Variants in AFP observed in about 807,000 individuals in gnomAD.
AFP encodes alpha-fetoprotein.
Under a neutral mutation model 78.9 loss-of-function variants are expected in AFP, and 64 were observed. The observed-to-expected ratio is 0.81, with a 90% CI of 0.66 to 1.00. The LOEUF is 1.00. Ranked by LOEUF, AFP falls within the 50% of genes least tolerant of loss-of-function variation. The probability of loss-of-function intolerance (pLI) is 0.00; values close to 1 mark genes in which losing one functional copy is unlikely to be tolerated. For synonymous variants in AFP, 254 were observed against 243.8 expected (o/e 1.04, Z -0.39); for missense variants, 689 against 703.8 (o/e 0.98, Z 0.24).
At chr4:73,447,067 G>A (rs1376936941) in intron 7 of AFP, among the ~76,000 whole-genome samples, 1 of 152,080 alleles carries the variant, frequency 6.6e-6, no homozygotes, top group Non-Finnish European at 1.5e-5. Flanking sequence ...GACACTATTA[G>A]AGGAGGGATT....
chr4:73,442,391 G>T lies in AFP; in HGVS notation c.578G>T (p.Cys193Phe), dbSNP rs780371147. 1.9e-6 allele frequency: 3 copies of T among 1,614,064 alleles called. No homozygotes were observed. The highest frequency in any genetic ancestry group is 2.5e-6 in the Non-Finnish European group (3 of 1,179,976). ...TATGACAAAATAATTCCATCTTGCT[G>T]CAAAGCTGAAAATGCAGTTGAATGC... ...ARYDKIIPSC[C>F]KAENAVECFQ... Residue 193 changes from cysteine (C) to phenylalanine (F), a missense_variant, in exon 5 of 15, where the codon TGC becomes TTC. Transcript: ENST00000395792.
chr4:73,438,374 C>T, intron 3 of AFP, 68 bp downstream of exon 3: 2 of 1,513,294 alleles, frequency 1.3e-6, no homozygotes, highest in Non-Finnish European at 1.8e-6. Context: ...AGAGAAGATA[C>T]AAAAATAGCA....
In AFP at chr4:73,447,611, C is replaced by G; in HGVS notation, c.993C>G (p.Asn331Lys). 2 of 1,611,980 alleles carry G rather than the reference C, an allele frequency of 1.2e-6. No homozygotes were observed. The highest frequency in any genetic ancestry group is 1.7e-6 in the Non-Finnish European group (2 of 1,179,640). ...EKPEGLSPNL[N>K]RFLGDRDFNQ... is the part of the protein sequence containing the mutation. ...CTGAAGGTCTATCTCCAAATCTAAA[C>G]AGGTTTTTAGGAGATAGAGATTTTA... Residue 331 changes from asparagine (N) to lysine (K), a missense_variant, in exon 8 of 15, where the codon AAC becomes AAG. By Grantham distance (94) the Asn-to-Lys change is moderately conservative. Transcript: ENST00000395792.
chr4:73,449,262 TA>T (rs1719916763), intron 8 of AFP, 72 bp from the exon 9 acceptor site: 3 of 1,359,864 alleles, frequency 2.2e-6, no homozygotes, highest in Non-Finnish European at 2.1e-6. Context: ...TATATAGGAA[TA>T]ACTGGAGAAG....
At chr4:73,449,784 G>A (rs889851580) in intron 9 of AFP, among the ~76,000 whole-genome samples, 2 of 152,114 alleles carry the variant, frequency 1.3e-5, no homozygotes, top group Admixed American at 1.3e-4. Context: ...CAAGAATTTG[G>A]TACAGAAAGA....
chr4:73,452,755 T>G, intron 12 of AFP, 131 bp downstream of exon 12: 1 of 796,582 alleles, frequency 1.3e-6, no homozygotes, highest in South Asian at 1.5e-5. Context: ...TAAAATGCCT[T>G]TGAAAATAGT....
chr4:73,448,549 T>C (rs67784283), intron 8 of AFP, among the ~76,000 whole-genome samples: 20,675 of 152,194 alleles, frequency 0.14, 1,511 homozygotes, highest in South Asian at 0.18. Flanking sequence ...TAAGCTAGAA[T>C]AAAGTTCAGA....
intron 4 of AFP, 105 bp from the exon 5 acceptor site, chr4:73,442,191 G>A: frequency 8.8e-7 from 1 of 1,131,298 alleles, no homozygotes; most frequent in Non-Finnish European, 1.3e-6. Flanking sequence ...GCATTTTGTT[G>A]TTGTTGTTTT....
rs772597931 is a variant in AFP at position 73,438,290 on chromosome 4, G to A, written c.254G>A (p.Gly85Glu). 2.5e-6 allele frequency: 4 copies of A among 1,612,828 alleles called. No homozygotes were observed. Among genetic ancestry groups the A allele is most frequent in the Non-Finnish European group, 3.4e-6 (4 of 1,179,266 alleles). ...EKPTGDEQSS[G>E]CLENQLPAFL... ...CCCACTGGAGATGAACAGTCTTCAG[G>A]GTGTTTAGAAAACCAGGTGAGTGAA... The change falls in exon 3 of 15, where the codon GGG becomes GAG. Residue 85 changes from glycine (G) to glutamate (E), a missense_variant. Transcript: ENST00000395792.
At chr4:73,440,503 A>G (rs939388138) in intron 3 of AFP, 99 bp from the exon 4 acceptor site, 15 of 977,146 alleles carry the variant, frequency 1.5e-5, no homozygotes, top group Middle Eastern at 2.5e-4. Context: ...TTCAGAATCT[A>G]TAGTTCTGAT....
Position 73,448,330 on chromosome 4 carries a change from T to C in AFP, c.1058+654T>C, listed in dbSNP as rs1369002333. Among the ~76,000 whole-genome samples the C allele has an allele frequency of 9.2e-5, 14 of 151,956 alleles. No individual in the cohort carries two copies. In the South Asian group the frequency reaches 2.3e-3, roughly 25 times the overall value. ...TCCTTCATTGTATAGTATGTAACTA[T>C]GGACACTATTAGAGGAGGGATTTGT... On this transcript the variant is annotated intron_variant, in intron 8 of 14. Transcript: ENST00000395792.
At chr4:73,453,592 C>T (rs4422394) in intron 12 of AFP, 173 bp from the exon 13 acceptor site, 716,178 of 720,444 alleles carry the variant, frequency 0.99, 356,105 homozygotes, top group East Asian at 1. Context: ...ACTTGGCATG[C>T]TTTCAGCCTC....
intron 11 of AFP, among the ~76,000 whole-genome samples, chr4:73,451,623 C>A (rs781213514): frequency 6.6e-6 from 1 of 152,196 alleles, no homozygotes; most frequent in Non-Finnish European, 1.5e-5. Context: ...CACCAGCCAA[C>A]AACCGCATTC....
intron 3 of AFP, among the ~76,000 whole-genome samples, chr4:73,439,331 G>T (rs1719598637): frequency 6.6e-6 from 1 of 152,096 alleles, no homozygotes; most frequent in Non-Finnish European, 1.5e-5. Context: ...TAGAAGAGAT[G>T]CTCCTTTAAG....
Position 73,443,417 on chromosome 4 carries a change from A to G in AFP, c.686A>G (p.Asn229Ser). ...CAACATGCATGTGCAGTAATGAAAA[A>G]TTTTGGGACCCGAACTTTCCAAGCC... ...LNQHACAVMK[N>S]FGTRTFQAIT... The change falls in exon 6 of 15, where the codon AAT becomes AGT. Residue 229 changes from asparagine (N) to serine (S), a missense_variant. Transcript: ENST00000395792. The G allele has an allele frequency of 1.2e-6, 2 of 1,613,240 alleles. No individual in the cohort carries two copies. Among genetic ancestry groups the G allele is most frequent in the Non-Finnish European group, 1.7e-6 (2 of 1,179,238 alleles).
chr4:73,455,298 A>T lies in AFP; in HGVS notation c.*10+8A>T. ...GAGTTTAAATTACTTCAGGTAACAA[A>T]ACATTCAGACAAGCCTGAATACAAT... On this transcript the variant is annotated splice_region_variant and intron_variant, in intron 14 of 14. Transcript: ENST00000395792. 6.2e-7 allele frequency: 1 copy of T among 1,606,618 alleles called. No homozygotes were observed. Among genetic ancestry groups the T allele is most frequent in the Non-Finnish European group, 8.5e-7 (1 of 1,173,578 alleles).
Position 73,449,459 on chromosome 4 carries a change from G to T in AFP, c.1183G>T (p.Asp395Tyr), listed in dbSNP as rs1719924668. Residue 395 changes from aspartate (D) to tyrosine (Y), a missense_variant, in exon 9 of 15, where the codon GAT becomes TAT. Physicochemically the swap from Asp to Tyr is radical, Grantham distance 160. Transcript: ENST00000395792. The part of the protein sequence containing the change: ...FQTENPLECQ[D>Y]KGEEELQKYI... ...GACTGAAAACCCTCTTGAATGCCAA[G>T]ATAAAGGAGTAAGTTGCTCTAGAAT... 13 of 1,613,384 alleles carry T rather than the reference G, an allele frequency of 8.1e-6. No individual in the cohort carries two copies. Among genetic ancestry groups the T allele is most frequent in the Admixed American group, 3.3e-5 (2 of 59,982 alleles).
At chr4:73,437,424 C>A (rs1018696792) in intron 2 of AFP, among the ~76,000 whole-genome samples, 1 of 152,134 alleles carries the variant, frequency 6.6e-6, no homozygotes, top group Admixed American at 6.5e-5. Flanking sequence ...TCCTTGAAAT[C>A]TCATGAGTCA....
At chr4:73,439,133 C>G (rs1719592295) in intron 3 of AFP, among the ~76,000 whole-genome samples, 2 of 152,086 alleles carry the variant, frequency 1.3e-5, no homozygotes, top group African/African-American at 2.4e-5. Context: ...ACACTAAATA[C>G]TTTTCTTAGT....
Sources: gnomAD v4.1 joint callset for allele counts (sites outside exome capture counted in the v4.1 genomes callset) on GRCh38, gnomAD v4.1.1 for gene constraint, MANE v1.5 for transcripts, NCBI Gene and HGNC (gene_info 2026-07-23, HGNC 2026-07-21) for gene names.